The following PDE4D variants were observed in gnomAD, a reference collection of about 807,000 sequenced individuals.
The protein encoded by PDE4D is phosphodiesterase 4D.
A neutral mutation model predicts 87.4 loss-of-function variants in PDE4D; 24 were observed. That is an observed-to-expected ratio of 0.27 (90% CI 0.20 to 0.39). PDE4D has a LOEUF of 0.39. Ranked by LOEUF, PDE4D falls within the 10% of genes least tolerant of loss-of-function variation. The probability of loss-of-function intolerance (pLI) is 1.00; values close to 1 mark genes in which losing one functional copy is unlikely to be tolerated. For missense variants in PDE4D, 714 were observed against 1,041.0 expected (o/e 0.69, Z 4.32); for synonymous variants, 384 against 383.2 (o/e 1.00, Z -0.02).
rs577452530 is a variant in PDE4D at position 59,583,139 on chromosome 5, T to C, written c.455+310029A>G. ...GCATTCAACATAGCCTTGATGTTTC[T>C]GGCATGAAATTATAGTATTTTTACA... On this transcript the variant is annotated intron_variant, in intron 1 of 14. Transcript: ENST00000340635. 3.3e-5 allele frequency among the ~76,000 whole-genome samples: 5 copies of C among 152,364 alleles called. No individual in the cohort carries two copies. In the South Asian group the frequency reaches 1.0e-3, roughly 32 times the overall value.
chr5:59,301,815 C>T (rs1295503190), intron 1 of PDE4D, among the ~76,000 whole-genome samples: 1 of 151,986 alleles, frequency 6.6e-6, no homozygotes, highest in Non-Finnish European at 1.5e-5. Context: ...AGGTGACTGT[C>T]ATGCAATTGT....
At chr5:59,935,659 C>T (rs1756484356) in intron 3 of PDE4D, among the ~76,000 whole-genome samples, 1 of 152,062 alleles carries the variant, frequency 6.6e-6, no homozygotes, top group Non-Finnish European at 1.5e-5. Flanking sequence ...ATCTTTAAGT[C>T]ACTATTGCTA....
intron 1 of PDE4D, among the ~76,000 whole-genome samples, chr5:59,536,787 A>T (rs1052488980): frequency 2.6e-5 from 4 of 152,202 alleles, no homozygotes; most frequent in African/African-American, 9.7e-5. Context: ...CTATAGAAAA[A>T]TATGGCTAAT....
chr5:59,236,049 CA>C (rs1756352189), intron 1 of PDE4D, among the ~76,000 whole-genome samples: 1 of 152,062 alleles, frequency 6.6e-6, no homozygotes. Flanking sequence ...GGTCCATGCA[CA>C]GTTTTGTTAC....
At chr5:59,535,991 T>G (rs1815144340) in intron 1 of PDE4D, among the ~76,000 whole-genome samples, 1 of 152,198 alleles carries the variant, frequency 6.6e-6, no homozygotes, top group Admixed American at 6.5e-5. Context: ...CATTACATTG[T>G]TTGGGATGGG....
At chr5:59,439,719 G>A (rs923175462) in intron 1 of PDE4D, among the ~76,000 whole-genome samples, 4 of 152,268 alleles carry the variant, frequency 2.6e-5, no homozygotes, top group Admixed American at 2.6e-4. Flanking sequence ...CAGGGATGGG[G>A]TGAGAAGAGG....
At chr5:60,083,174 T>C (rs138067671) in intron 2 of PDE4D, among the ~76,000 whole-genome samples, 119 of 152,344 alleles carry the variant, frequency 7.8e-4, no homozygotes, top group Middle Eastern at 3.4e-3. Flanking sequence ...ATATACTTGA[T>C]GCCTAGCTTG....
At position 59,496,605 on chromosome 5, in the gene PDE4D, C is replaced by T. The variant is rs1807247405; in HGVS notation, c.456-280637G>A. 1.3e-5 allele frequency among the ~76,000 whole-genome samples: 2 copies of T among 152,138 alleles called. 1 individual carries two copies. The highest frequency in any genetic ancestry group is 4.8e-5 in the African/African-American group (2 of 41,440). ...CCCACTCCCCTAGAAATCTAGCCCT[C>T]GGTTCAGTCGGCCCCTAAGGGAGGG... On this transcript the variant is annotated intron_variant, in intron 1 of 14. Transcript: ENST00000340635.
chr5:59,954,380 T>G (rs1758613310), intron 3 of PDE4D, among the ~76,000 whole-genome samples: 1 of 152,202 alleles, frequency 6.6e-6, no homozygotes, highest in Non-Finnish European at 1.5e-5. Context: ...TCCCAATAAT[T>G]ATCTTAGCAT....
At chr5:59,625,818 T>C (rs368114560) in intron 1 of PDE4D, among the ~76,000 whole-genome samples, 4 of 152,226 alleles carry the variant, frequency 2.6e-5, no homozygotes, top group Non-Finnish European at 5.9e-5. Context: ...CGGTGGCTCA[T>C]GCCTGTAATC....
At chr5:59,485,148 C>T (rs1562267552) in intron 1 of PDE4D, among the ~76,000 whole-genome samples, 1 of 152,296 alleles carries the variant, frequency 6.6e-6, no homozygotes, top group East Asian at 1.9e-4. Flanking sequence ...TACCTAGCCA[C>T]TAGCACAGTG....
At chr5:60,063,476 A>G (rs1253304563) in intron 2 of PDE4D, among the ~76,000 whole-genome samples, 1 of 152,126 alleles carries the variant, frequency 6.6e-6, no homozygotes, top group Non-Finnish European at 1.5e-5. Flanking sequence ...GGCTGACTCC[A>G]TCTTGCTTCT....
intron 1 of PDE4D, among the ~76,000 whole-genome samples, chr5:59,507,555 C>T (rs566007674): frequency 6.7e-6 from 1 of 149,446 alleles, no homozygotes; most frequent in Admixed American, 6.7e-5. Flanking sequence ...GTCCTAGCTA[C>T]TTGGGAGGCT....
intron 1 of PDE4D, among the ~76,000 whole-genome samples, chr5:59,353,992 A>G (rs945433454): frequency 6.6e-6 from 1 of 152,148 alleles, no homozygotes; most frequent in African/African-American, 2.4e-5. Context: ...ATTGAATTTC[A>G]TATCTTGTAC....
chr5:59,462,986 C>A (rs1035580732), intron 1 of PDE4D, among the ~76,000 whole-genome samples: 3 of 151,706 alleles, frequency 2.0e-5, no homozygotes, highest in Non-Finnish European at 4.4e-5. Flanking sequence ...TCTATTTATT[C>A]CTGAATCCTT....
intron 1 of PDE4D, among the ~76,000 whole-genome samples, chr5:60,480,143 AG>A (rs778263433): frequency 8.5e-5 from 13 of 152,180 alleles, no homozygotes; most frequent in Non-Finnish European, 1.9e-4. Context: ...GTATCACCAA[AG>A]GAAGATTCCA....
At chr5:60,056,542 C>T (rs1562035483) in intron 2 of PDE4D, among the ~76,000 whole-genome samples, 1 of 151,938 alleles carries the variant, frequency 6.6e-6, no homozygotes, top group Admixed American at 6.6e-5. Flanking sequence ...GAGGGAGGGG[C>T]TGTCAATGAG....
chr5:60,249,306 G>A (rs180952684), intron 1 of PDE4D, among the ~76,000 whole-genome samples: 1 of 152,096 alleles, frequency 6.6e-6, no homozygotes, highest in Admixed American at 6.6e-5. Flanking sequence ...TAAACATTTA[G>A]GTAAAAGGAA....
intron 1 of PDE4D, among the ~76,000 whole-genome samples, chr5:60,426,214 T>C (rs1364560588): frequency 1.3e-5 from 2 of 152,178 alleles, no homozygotes; most frequent in Non-Finnish European, 2.9e-5. Flanking sequence ...ATCATTCTAC[T>C]ATAAAGACAT....
Sources: allele counts gnomAD v4.1 joint callset (sites outside exome capture counted in the v4.1 genomes callset), GRCh38; gene constraint gnomAD v4.1.1; transcripts MANE v1.5; gene names NCBI Gene and HGNC (gene_info 2026-07-23, HGNC 2026-07-21).